Variants in INSL6 observed in about 807,000 individuals in gnomAD.
The protein encoded by INSL6 is insulin-like peptide INSL6.
In INSL6, 16 loss-of-function variants were observed where a neutral mutation model predicts 9.4. That is an observed-to-expected ratio of 1.70 (90% CI 1.15 to 2.59). INSL6 has a LOEUF of 2.59. INSL6 is among the 30% of genes most tolerant of loss of function. The pLI is 0.00. For synonymous variants in INSL6, 154 were observed against 96.9 expected (o/e 1.59, Z -3.46); for missense variants, 391 against 257.3 (o/e 1.52, Z -3.56).
chr9:5,067,981 G>A, the INSL6 span, among the ~76,000 whole-genome samples: 1 of 151,996 alleles, frequency 6.6e-6, no homozygotes. Flanking sequence ...GTGAAATGGT[G>A]AAACCCTGTC....
the INSL6 span, chr9:5,069,243 G>C: frequency 7.0e-7 from 1 of 1,426,388 alleles, no homozygotes; most frequent in Non-Finnish European, 9.7e-7. Context: ...TAAATTACTG[G>C]TCATGGATTG....
At chr9:5,041,422 G>A in the INSL6 span, 2 of 628,922 alleles carry the variant, frequency 3.2e-6, no homozygotes, top group East Asian at 6.4e-5. Context: ...TGGGCCACAT[G>A]TTCATGTACT....
rs1564031409 is a variant in INSL6, at chr9:5,128,097, TGTGTG to T, written c.*11-3591_*11-3587del. On this transcript the variant is annotated intron_variant, in intron 3 of 3. Transcript: ENST00000649639. ...GGTGGGTTTTGTGTGTGTGTGTGTG[TGTGTG>T]TGTGTGTGTGTGTGTGTGTTATTTA... 9.1e-4 allele frequency: 211 copies of T among 231,804 alleles called. 2 individuals carry two copies. The highest frequency in any genetic ancestry group is 4.5e-3 in the African/African-American group (204 of 45,150). 14.4% of individuals were successfully genotyped at this position (231,804 alleles called of 1,614,324 possible).
At chr9:5,079,375 A>T in the INSL6 span, among the ~76,000 whole-genome samples, 2 of 152,352 alleles carry the variant, frequency 1.3e-5, no homozygotes, top group South Asian at 4.1e-4. Context: ...ATCAAAGACC[A>T]CAGAAACTTT....
Position 5,177,129 on chromosome 9 carries a change from G to A in INSL6, c.289+8185C>T, listed in dbSNP as rs114015832. Among the ~76,000 whole-genome samples, 869 of 152,250 alleles carry A rather than the reference G, an allele frequency of 5.7e-3. 4 individuals carry two copies. The highest frequency in any genetic ancestry group is 0.019 in the African/African-American group (801 of 41,536). On this transcript the variant is annotated intron_variant, in intron 1 of 1. Transcript: ENST00000381641. ...ATTAGATGCAGCTGTGATCCATGGC[G>A]CTCAGGGAGAGGAATAAAAGAGTGA...
chr9:5,080,643 C>G, the INSL6 span: 1 of 1,603,136 alleles, frequency 6.2e-7, no homozygotes, highest in Non-Finnish European at 8.5e-7. Flanking sequence ...GGCCTTCTTT[C>G]AGAGCCATCA....
At chr9:5,141,579 T>G (rs1285187458) in intron 2 of INSL6, among the ~76,000 whole-genome samples, 4 of 152,212 alleles carry the variant, frequency 2.6e-5, no homozygotes, top group Non-Finnish European at 2.9e-5. Flanking sequence ...TTTTTTCTTT[T>G]AAATTTGTTT....
chr9:5,031,647 C>G, the INSL6 span, among the ~76,000 whole-genome samples: 1 of 152,288 alleles, frequency 6.6e-6, no homozygotes, highest in Middle Eastern at 3.4e-3. Context: ...GAACTGAATT[C>G]AAGTCCTTGG....
chr9:5,051,428 C>T, the INSL6 span, among the ~76,000 whole-genome samples: 4 of 151,982 alleles, frequency 2.6e-5, no homozygotes, highest in East Asian at 1.9e-4. Flanking sequence ...ATTAGACTCA[C>T]GTGGGGGAGC....
chr9:5,024,400 C>T, the INSL6 span, among the ~76,000 whole-genome samples: 1 of 152,100 alleles, frequency 6.6e-6, no homozygotes, highest in Admixed American at 6.5e-5. Context: ...CTCTTTCAGT[C>T]TTTGCAGATT....
the INSL6 span, among the ~76,000 whole-genome samples, chr9:5,007,976 G>A: frequency 5.3e-5 from 8 of 151,796 alleles, no homozygotes; most frequent in African/African-American, 1.2e-4. Flanking sequence ...TGATCCCCCC[G>A]CCTCGGCCTC....
At chr9:5,021,693 G>A in the INSL6 span, among the ~76,000 whole-genome samples, 10 of 152,080 alleles carry the variant, frequency 6.6e-5, 1 homozygote, top group African/African-American at 2.2e-4. Flanking sequence ...GTGGAGTGCG[G>A]AGGTTTGCTG....
the INSL6 span, among the ~76,000 whole-genome samples, chr9:5,016,145 C>T: frequency 0.26 from 39,220 of 152,082 alleles, 5,260 homozygotes; most frequent in South Asian, 0.31. Context: ...TCCCGCCAAA[C>T]GCTGCCTACT....
the INSL6 span, among the ~76,000 whole-genome samples, chr9:5,048,691 A>T: frequency 6.6e-6 from 1 of 152,138 alleles, no homozygotes; most frequent in Non-Finnish European, 1.5e-5. Context: ...TCTTATATGA[A>T]AATATCTTCT....
At chr9:5,013,495 C>T in the INSL6 span, among the ~76,000 whole-genome samples, 37 of 152,296 alleles carry the variant, frequency 2.4e-4, 1 homozygote, top group East Asian at 5.0e-3. Flanking sequence ...CCTTTTGGGA[C>T]ATTTCTGTGG....
chr9:5,090,130 A>G, the INSL6 span, among the ~76,000 whole-genome samples: 5 of 152,232 alleles, frequency 3.3e-5, no homozygotes, highest in South Asian at 2.1e-4. Flanking sequence ...TACATTTTCT[A>G]TAAAAATATT....
At chr9:5,047,889 C>G in the INSL6 span, among the ~76,000 whole-genome samples, 1 of 152,056 alleles carries the variant, frequency 6.6e-6, no homozygotes, top group African/African-American at 2.4e-5. Context: ...GTGTGAGCCA[C>G]CACACCTGGC....
the INSL6 span, chr9:5,050,881 T>C: frequency 6.9e-7 from 1 of 1,449,340 alleles, no homozygotes; most frequent in Non-Finnish European, 9.6e-7. Flanking sequence ...AGAGATTTTA[T>C]ATAATTCGTA....
At chr9:5,016,755 C>T in the INSL6 span, among the ~76,000 whole-genome samples, 1 of 152,162 alleles carries the variant, frequency 6.6e-6, no homozygotes, top group Non-Finnish European at 1.5e-5. Context: ...TGCCCTCCCA[C>T]TATCCCAACC....
Sources: allele counts gnomAD v4.1 joint callset (sites outside exome capture counted in the v4.1 genomes callset), GRCh38; gene constraint gnomAD v4.1.1; transcripts MANE v1.5; gene names NCBI Gene and HGNC (gene_info 2026-07-23, HGNC 2026-07-21).